RGS7BP: variants seen among roughly 807,000 people sequenced by gnomAD.
RGS7BP encodes regulator of G protein signaling 7 binding protein.
A neutral mutation model predicts 31.3 loss-of-function variants in RGS7BP; 9 were observed. The ratio of observed to expected loss-of-function variants is 0.29; its 90% confidence interval spans 0.17 to 0.50. The LOEUF is 0.50. RGS7BP is among the 20% of genes least tolerant of loss of function. RGS7BP has a pLI of 0.98. For missense variants in RGS7BP, 274 were observed against 322.0 expected (o/e 0.85, Z 1.14); for synonymous variants, 115 against 120.1 (o/e 0.96, Z 0.28).
At chr5:64,550,081 C>G (rs1286994014) in intron 2 of RGS7BP, among the ~76,000 whole-genome samples, 1 of 152,188 alleles carries the variant, frequency 6.6e-6, no homozygotes, top group South Asian at 2.1e-4. Flanking sequence ...CAGAATCACC[C>G]TTAACCTCCA....
chr5:64,580,125 A>C (rs1461558312), intron 3 of RGS7BP, among the ~76,000 whole-genome samples: 1 of 152,222 alleles, frequency 6.6e-6, no homozygotes, highest in African/African-American at 2.4e-5. Context: ...GTTGAGGAAG[A>C]GATAGGTCCA....
chr5:64,535,672 T>C (rs962078583), intron 2 of RGS7BP, among the ~76,000 whole-genome samples: 2 of 152,242 alleles, frequency 1.3e-5, no homozygotes, highest in Non-Finnish European at 1.5e-5. Flanking sequence ...ACTTAAAACC[T>C]GAATAAATTC....
In RGS7BP at chr5:64,609,417, G is replaced by A; in HGVS notation, c.*165G>A. 1.8e-6 allele frequency: 1 copy of A among 556,754 alleles called. No individual in the cohort carries two copies. Among genetic ancestry groups the A allele is most frequent in the East Asian group, 2.8e-5 (1 of 35,664 alleles). 34.5% of individuals were successfully genotyped at this position (556,754 alleles called of 1,614,324 possible). A position where few individuals can be genotyped will look rare whatever the true frequency, so the allele number is the denominator to read the frequency against. ...TGCCCTTTTAAATGATTTTACACTT[G>A]AAAGCAGCTGCCGTCAAGAAAAAAA... On this transcript the variant is annotated 3_prime_UTR_variant, in exon 6 of 6. Transcript: ENST00000334025.
Position 64,589,587 on chromosome 5 carries a change from T to A in RGS7BP, c.464-5123T>A, listed in dbSNP as rs564774153. Among the ~76,000 whole-genome samples the A allele has an allele frequency of 5.9e-5, 9 of 152,130 alleles. No individual in the cohort carries two copies. The South Asian group carries it at 1.9e-3, about 32-fold the overall frequency. ...TGAACTCTTCATTCAAAAATATTCATGACATTGAAAATGAAAAAGGCAAGG... is the reference window on the plus strand; with the variant it reads ...TGAACTCTTCATTCAAAAATATTCAAGACATTGAAAATGAAAAAGGCAAGG... On this transcript the variant is annotated intron_variant, in intron 3 of 5. Coordinates refer to ENST00000334025, the MANE Select transcript of RGS7BP (RefSeq NM_001029875.3).
chr5:64,561,116 T>A (rs1742045483), intron 2 of RGS7BP, among the ~76,000 whole-genome samples: 1 of 152,126 alleles, frequency 6.6e-6, no homozygotes, highest in Non-Finnish European at 1.5e-5. Flanking sequence ...TACACTAGCT[T>A]ACACTAGCCT....
intron 2 of RGS7BP, among the ~76,000 whole-genome samples, chr5:64,558,895 A>C (rs1741987428): frequency 6.6e-6 from 1 of 152,200 alleles, no homozygotes; most frequent in African/African-American, 2.4e-5. Context: ...CAGCGCCCCC[A>C]GGCTTGCTAG....
chr5:64,579,735 A>G (rs1742539136), intron 3 of RGS7BP, among the ~76,000 whole-genome samples: 1 of 152,122 alleles, frequency 6.6e-6, no homozygotes, highest in African/African-American at 2.4e-5. Context: ...ATAAAATATT[A>G]GCTTTTGGGG....
chr5:64,591,909 T>A (rs1265254268), intron 3 of RGS7BP, among the ~76,000 whole-genome samples: 1 of 152,174 alleles, frequency 6.6e-6, no homozygotes. Flanking sequence ...AGAAAACAGA[T>A]AAAATTATTG....
chr5:64,582,284 G>A (rs139060452), intron 3 of RGS7BP, among the ~76,000 whole-genome samples: 1 of 152,302 alleles, frequency 6.6e-6, no homozygotes, highest in African/African-American at 2.4e-5. Context: ...GGTTTCCAAG[G>A]GAATTGAATG....
rs76648599 is a variant in RGS7BP, at chr5:64,520,522, G to A, written c.332+12645G>A. Among the ~76,000 whole-genome samples, 1,309 of 152,230 alleles carry A rather than the reference G, an allele frequency of 8.6e-3. 26 individuals are homozygous for A. The highest frequency in any genetic ancestry group is 0.03 in the African/African-American group (1,252 of 41,538). On this transcript the variant is annotated intron_variant, in intron 2 of 5. Transcript: ENST00000334025. Reference sequence around the variant, plus strand: ...GCCCCAGCACTTTTCTCTGGACCCCGAATTTTTCAGTCTTTCTTTCCCTAT... The same window carrying A: ...GCCCCAGCACTTTTCTCTGGACCCCAAATTTTTCAGTCTTTCTTTCCCTAT...
chr5:64,560,575 A>C (rs892769295), intron 2 of RGS7BP, among the ~76,000 whole-genome samples: 1 of 151,154 alleles, frequency 6.6e-6, no homozygotes, highest in African/African-American at 2.4e-5. Context: ...TCTATCAACA[A>C]GTACATATTG....
intron 2 of RGS7BP, among the ~76,000 whole-genome samples, chr5:64,524,928 T>C (rs567474120): frequency 1.3e-5 from 2 of 152,220 alleles, no homozygotes; most frequent in South Asian, 2.1e-4. Context: ...GTGGGTTATA[T>C]AGTGAAATGT....
intron 5 of RGS7BP, among the ~76,000 whole-genome samples, chr5:64,604,729 T>A (rs937451173): frequency 6.6e-6 from 1 of 152,250 alleles, no homozygotes; most frequent in African/African-American, 2.4e-5. Flanking sequence ...TCTCTTTTTT[T>A]CCCTGGAATA....
intron 2 of RGS7BP, among the ~76,000 whole-genome samples, chr5:64,548,615 T>C (rs1741716037): frequency 6.6e-6 from 1 of 152,120 alleles, no homozygotes; most frequent in Admixed American, 6.6e-5. Context: ...TTTCAAGCAA[T>C]TCTGCCTCAG....
At chr5:64,605,404 G>T (rs1743326499) in intron 5 of RGS7BP, among the ~76,000 whole-genome samples, 2 of 152,028 alleles carry the variant, frequency 1.3e-5, no homozygotes, top group African/African-American at 4.8e-5. Context: ...GTGGTTTTAG[G>T]ACTAGCAGCA....
chr5:64,534,062 G>T (rs1432630674), intron 2 of RGS7BP, among the ~76,000 whole-genome samples: 1 of 152,196 alleles, frequency 6.6e-6, no homozygotes, highest in African/African-American at 2.4e-5. Flanking sequence ...TCTGTGGGTG[G>T]AGGAAAAGAG....
intron 3 of RGS7BP, among the ~76,000 whole-genome samples, chr5:64,588,614 G>A (rs968596305): frequency 4.6e-5 from 7 of 152,106 alleles, no homozygotes; most frequent in African/African-American, 9.7e-5. Context: ...GTATCTGACC[G>A]AGAAATCTCA....
intron 2 of RGS7BP, among the ~76,000 whole-genome samples, chr5:64,526,945 C>T (rs1405790761): frequency 1.3e-5 from 2 of 152,186 alleles, no homozygotes. Flanking sequence ...GTAAAGCAAA[C>T]ATTCAAAGCT....
At chr5:64,508,019 CA>C (rs1476261643) in intron 2 of RGS7BP, 142 bp downstream of exon 2, 2 of 673,424 alleles carry the variant, frequency 3.0e-6, no homozygotes, top group Non-Finnish European at 5.0e-6. Flanking sequence ...GAGAGCTATA[CA>C]CAAACTATAG....
Sources: gnomAD v4.1 joint callset for allele counts (sites outside exome capture counted in the v4.1 genomes callset) on GRCh38, gnomAD v4.1.1 for gene constraint, MANE v1.5 for transcripts, NCBI Gene and HGNC (gene_info 2026-07-23, HGNC 2026-07-21) for gene names.